ALG9: variants seen among roughly 807,000 people sequenced by gnomAD.
ALG9 encodes the protein alpha-1,2-mannosyltransferase ALG9.
ALG9 carries 55 observed loss-of-function variants against 81.8 expected under a neutral mutation model. The ratio of observed to expected loss-of-function variants is 0.67; its 90% CI spans 0.54 to 0.84. The LOEUF (loss-of-function observed/expected upper bound fraction) is 0.84, where lower values mean the gene tolerates loss of function less well. Ranked by LOEUF, ALG9 falls within the 40% of genes least tolerant of loss-of-function variation. The pLI is 0.00. For synonymous variants in ALG9, 278 were observed against 274.3 expected, an observed-to-expected ratio of 1.01 and a Z score of -0.13; for missense variants, 629 against 745.0, an observed-to-expected ratio of 0.84 and a Z score of 1.81.
chr11:111,827,535 C>T (rs1329608515), intron 13 of ALG9, among the ~76,000 whole-genome samples: 1 of 151,988 alleles, frequency 6.6e-6, no homozygotes, highest in African/African-American at 2.4e-5. Flanking sequence ...AATCAACCAA[C>T]GAATGAAAAG....
intron 13 of ALG9, among the ~76,000 whole-genome samples, chr11:111,825,542 C>G (rs1953088195): frequency 6.6e-6 from 1 of 152,170 alleles, no homozygotes; most frequent in South Asian, 2.1e-4. Flanking sequence ...TCAATTTCCC[C>G]TTCCTCAGCC....
At chr11:111,840,052 A>G (rs782337354) in intron 10 of ALG9, among the ~76,000 whole-genome samples, 4 of 152,230 alleles carry the variant, frequency 2.6e-5, no homozygotes, top group Non-Finnish European at 4.4e-5. Flanking sequence ...AAACCACTGA[A>G]TCATACCCTT....
chr11:111,791,388 C>A (rs1947385970), intron 14 of ALG9, among the ~76,000 whole-genome samples: 1 of 152,186 alleles, frequency 6.6e-6, no homozygotes, highest in Non-Finnish European at 1.5e-5. Flanking sequence ...GTATAAGCAG[C>A]ATTTAATAAA....
intron 13 of ALG9, among the ~76,000 whole-genome samples, chr11:111,818,856 G>A (rs537939349): frequency 6.6e-6 from 1 of 152,200 alleles, no homozygotes; most frequent in South Asian, 2.1e-4. Flanking sequence ...GGAAGTGAAG[G>A]AGGGAAGAAA....
intron 14 of ALG9, among the ~76,000 whole-genome samples, chr11:111,799,630 A>G (rs1354680268): frequency 6.6e-6 from 1 of 152,166 alleles, no homozygotes; most frequent in Non-Finnish European, 1.5e-5. Flanking sequence ...TGGAACAAAG[A>G]AAATATATCT....
intron 13 of ALG9, among the ~76,000 whole-genome samples, chr11:111,821,624 G>A (rs1952396075): frequency 1.3e-5 from 2 of 151,882 alleles, no homozygotes; most frequent in Non-Finnish European, 2.9e-5. Flanking sequence ...AGTGACTTCC[G>A]CTGTTTCCCC....
At chr11:111,826,532 T>C (rs1953330067) in intron 13 of ALG9, among the ~76,000 whole-genome samples, 1 of 152,152 alleles carries the variant, frequency 6.6e-6, no homozygotes, top group South Asian at 2.1e-4. Context: ...TTTTTATTTT[T>C]TTCAGACAGA....
At chr11:111,802,616 T>C (rs1322624882) in intron 14 of ALG9, among the ~76,000 whole-genome samples, 6 of 152,236 alleles carry the variant, frequency 3.9e-5, no homozygotes, top group African/African-American at 7.2e-5. Flanking sequence ...GTAATAATCA[T>C]TTAATTGTAT....
chr11:111,857,061 C>G lies in ALG9; in HGVS notation c.701+541G>C, dbSNP rs189070400. Reference sequence around the variant, plus strand: ...GGCGGAGGTTGTGATAAGCCAACATCGTGCCATTGCACTCCAGCCTGGGCA... The same window carrying G: ...GGCGGAGGTTGTGATAAGCCAACATGGTGCCATTGCACTCCAGCCTGGGCA... On this transcript the variant is annotated intron_variant, in intron 6 of 14. Transcript: ENST00000616540. Among the ~76,000 whole-genome samples, 23 of 152,230 alleles carry G rather than the reference C, an allele frequency of 1.5e-4. No individual in the cohort carries two copies. The East Asian group carries it at 4.4e-3, about 29-fold the overall frequency.
intron 14 of ALG9, among the ~76,000 whole-genome samples, chr11:111,797,685 G>C (rs370197410): frequency 6.6e-6 from 1 of 152,250 alleles, no homozygotes; most frequent in African/African-American, 2.4e-5. Context: ...TGGAGCTAAG[G>C]GCTGGCTCCC....
chr11:111,827,684 T>C (rs571794243), intron 13 of ALG9, among the ~76,000 whole-genome samples: 2 of 151,456 alleles, frequency 1.3e-5, no homozygotes, highest in East Asian at 3.9e-4. Context: ...CTGGCCAACA[T>C]GGTGAAACCC....
chr11:111,809,719 G>C lies in ALG9; in HGVS notation c.1657C>G (p.Pro553Ala), dbSNP rs375320373. 1 of 1,614,060 alleles carries C rather than the reference G, an allele frequency of 6.2e-7. No individual in the cohort carries two copies. Among genetic ancestry groups the C allele is most frequent in the African/African-American group, 1.3e-5 (1 of 75,016 alleles). ...LVDLDTMRET[P>A]REPKYSSNKE... Reference sequence around the variant, plus strand: ...TTGGATGAATATTTTGGCTCCCGGGGTGTTTCTCTCATGGTGTCCAAATCC... The same window carrying C: ...TTGGATGAATATTTTGGCTCCCGGGCTGTTTCTCTCATGGTGTCCAAATCC... Residue 553 changes from proline to alanine, a missense_variant, in exon 14 of 15, where the codon CCC becomes GCC. By Grantham distance (27) the Pro-to-Ala change is conservative. Coordinates refer to ENST00000616540, the MANE Select transcript of ALG9 (RefSeq NM_024740.2).
At chr11:111,869,312 T>C (rs1963522011) in intron 2 of ALG9, among the ~76,000 whole-genome samples, 1 of 152,202 alleles carries the variant, frequency 6.6e-6, no homozygotes, top group Admixed American at 6.5e-5. Context: ...TCTTCCTTCA[T>C]TTTTTTAATT....
downstream of ALG9, among the ~76,000 whole-genome samples, chr11:111,777,375 A>G (rs1945732834): frequency 6.6e-6 from 1 of 152,242 alleles, no homozygotes; most frequent in Admixed American, 6.5e-5. Flanking sequence ...TGCAATGAAG[A>G]TATTTCAACT....
At chr11:111,798,180 G>A in intron 14 of ALG9, 1 of 306,194 alleles carries the variant, frequency 3.3e-6, no homozygotes, top group East Asian at 1.2e-4. Context: ...TCTAGCCTGG[G>A]CAACAGAGCG....
At chr11:111,855,725 G>A (rs1958559042) in intron 6 of ALG9, among the ~76,000 whole-genome samples, 1 of 152,130 alleles carries the variant, frequency 6.6e-6, no homozygotes, top group Non-Finnish European at 1.5e-5. Flanking sequence ...GAGATAACTG[G>A]ACTAGACATT....
Position 111,871,355 on chromosome 11 carries a change from G to T in ALG9, c.128C>A (p.Thr43Asn). ...SREAGGAEHR[T>N]ELSGNKAGQV... ...CCCTGCCGCGCCGCACACGTACTCG[G>T]TCCGGTGCTCCGCGCCGCCCGCCTC... The change falls in exon 1 of 15, where the codon ACC becomes AAC. Residue 43 changes from threonine to asparagine, a missense_variant. Physicochemically the swap from Thr to Asn is moderately conservative, Grantham distance 65 (BLOSUM62 0). Coordinates refer to ENST00000616540, the MANE Select transcript of ALG9 (RefSeq NM_024740.2). The T allele has an allele frequency of 6.5e-7, 1 of 1,529,480 alleles. No homozygotes were observed. Among genetic ancestry groups the T allele is most frequent in the Non-Finnish European group, 8.7e-7 (1 of 1,144,074 alleles). The allele number at this position is 1,529,480 out of a possible 1,614,324, so 94.7% of individuals were successfully genotyped here.
chr11:111,845,896 G>A (rs1164831796), intron 8 of ALG9, among the ~76,000 whole-genome samples: 1 of 152,174 alleles, frequency 6.6e-6, no homozygotes. Context: ...TAAGAGGGAG[G>A]GAGGTTACAC....
rs541196091 is a variant in ALG9 at position 111,792,420 on chromosome 11, A to C, written c.1734-5900T>G. ...ATCACACATATGAGATATGAGTTTA[A>C]TTCAATTTAGTTTAACTACAAGTGA... is the stretch of plus-strand genomic sequence containing the variant. On this transcript the variant is annotated intron_variant, in intron 14 of 14. Transcript: ENST00000616540. 2.6e-5 allele frequency among the ~76,000 whole-genome samples: 4 copies of C among 152,332 alleles called. No homozygotes were observed. The South Asian group carries it at 6.2e-4, about 24-fold the overall frequency.
Sources: allele counts gnomAD v4.1 joint callset (sites outside exome capture counted in the v4.1 genomes callset), GRCh38; gene constraint gnomAD v4.1.1; transcripts MANE v1.5; gene names NCBI Gene and HGNC (gene_info 2026-07-23, HGNC 2026-07-21).